The following FLI1 variants were observed in gnomAD, a reference collection of about 807,000 sequenced individuals.
The protein encoded by FLI1 is Fli-1 proto-oncogene, ETS transcription factor, also known as Friend leukemia integration 1 transcription factor.
FLI1 carries 13 observed loss-of-function variants against 53.1 expected under a neutral mutation model. The observed-to-expected ratio is 0.24, with a 90% CI of 0.16 to 0.39. The LOEUF is 0.39. FLI1 is among the 10% of genes least tolerant of loss of function. FLI1 has a pLI of 1.00. For synonymous variants in FLI1, 244 were observed against 236.7 expected, an observed-to-expected ratio of 1.03 and a Z score of -0.28; for missense variants, 424 against 600.5, an observed-to-expected ratio of 0.71 and a Z score of 3.07.
chr11:128,709,887 C>T (rs1938714801), intron 1 of FLI1, among the ~76,000 whole-genome samples: 1 of 152,120 alleles, frequency 6.6e-6, no homozygotes, highest in Non-Finnish European at 1.5e-5. Flanking sequence ...ACTGAGCTCC[C>T]TGATTAAGGG....
At chr11:128,783,194 C>G (rs903467789) in intron 5 of FLI1, among the ~76,000 whole-genome samples, 1 of 152,176 alleles carries the variant, frequency 6.6e-6, no homozygotes, top group African/African-American at 2.4e-5. Context: ...ACTGCAAAAC[C>G]TTTCAGAGAA....
chr11:128,798,648 T>C (rs1033978399), intron 5 of FLI1, among the ~76,000 whole-genome samples: 3 of 152,172 alleles, frequency 2.0e-5, no homozygotes, highest in African/African-American at 7.2e-5. Context: ...AGGATGTTTT[T>C]TCCCTGTGAG....
At chr11:128,759,680 G>A (rs1941033951) in intron 2 of FLI1, among the ~76,000 whole-genome samples, 1 of 152,202 alleles carries the variant, frequency 6.6e-6, no homozygotes, top group Non-Finnish European at 1.5e-5. Context: ...GCCGCAGAAA[G>A]GTGGCACAGG....
chr11:128,787,100 T>C (rs1942110868), intron 5 of FLI1, among the ~76,000 whole-genome samples: 1 of 152,116 alleles, frequency 6.6e-6, no homozygotes, highest in South Asian at 2.1e-4. Context: ...TAGAGTGAAA[T>C]GCCTGGCTGG....
rs149297181 is a variant in FLI1, at chr11:128,700,731, G to C, written c.18+6455G>C. ...TCTACAAAAACTACAAAAATTAGCC[G>C]GGCATGGTGGCACTCACCTGTAGTC... On this transcript the variant is annotated intron_variant, in intron 1 of 8. Coordinates refer to ENST00000527786, the MANE Select transcript of FLI1 (RefSeq NM_002017.5). Among the ~76,000 whole-genome samples the C allele has an allele frequency of 1.8e-4, 27 of 152,132 alleles. No homozygotes were observed. In the East Asian group the frequency reaches 5.2e-3, roughly 29 times the overall value.
intron 1 of FLI1, among the ~76,000 whole-genome samples, chr11:128,715,144 T>C (rs759405280): frequency 2.0e-5 from 3 of 152,222 alleles, no homozygotes; most frequent in Non-Finnish European, 2.9e-5. Flanking sequence ...TAGCAGGTTC[T>C]GTCTGATACC....
intron 2 of FLI1, among the ~76,000 whole-genome samples, chr11:128,759,166 G>C (rs1941010151): frequency 6.6e-6 from 1 of 152,212 alleles, no homozygotes. Context: ...AGACTTGAAA[G>C]ACAGAGAACA....
At chr11:128,795,637 G>A (rs112646038) in intron 5 of FLI1, among the ~76,000 whole-genome samples, 4,415 of 143,670 alleles carry the variant, frequency 0.031, 72 homozygotes, top group Middle Eastern at 0.075. Flanking sequence ...TGCAAGCTCC[G>A]CCTCCCGGGT....
intron 4 of FLI1, among the ~76,000 whole-genome samples, chr11:128,776,030 TAAG>T (rs946594041): frequency 3.3e-4 from 51 of 152,362 alleles, no homozygotes; most frequent in African/African-American, 1.2e-3. Context: ...CTTCATAGGA[TAAG>T]AAGCTTTGGC....
At chr11:128,807,024 T>A in intron 6 of FLI1, 156 bp from the exon 7 acceptor site, 1 of 432,810 alleles carries the variant, frequency 2.3e-6, no homozygotes, top group Non-Finnish European at 4.1e-6. Flanking sequence ...GGCCAGCACA[T>A]AGTAGATTCT....
chr11:128,685,571 G>C (rs532848893), upstream of FLI1, among the ~76,000 whole-genome samples: 1 of 152,088 alleles, frequency 6.6e-6, no homozygotes, highest in African/African-American at 2.4e-5. Context: ...AAAAATGTAG[G>C]GGACCGGTGG....
At chr11:128,781,491 AT>A (rs1941915387) in intron 4 of FLI1, among the ~76,000 whole-genome samples, 1 of 152,212 alleles carries the variant, frequency 6.6e-6, no homozygotes, top group South Asian at 2.1e-4. Context: ...AATATTTACT[AT>A]CTCCTTTTGA....
At chr11:128,772,702 G>C (rs1941607156) in intron 3 of FLI1, 80 bp from the exon 4 acceptor site, 1 of 1,069,902 alleles carries the variant, frequency 9.3e-7, no homozygotes, top group South Asian at 1.3e-5. Flanking sequence ...AGAGGGACAA[G>C]GGGTGAGGGA....
intron 5 of FLI1, among the ~76,000 whole-genome samples, chr11:128,783,254 G>A (rs1941979513): frequency 6.6e-6 from 1 of 152,230 alleles, no homozygotes; most frequent in South Asian, 2.1e-4. Context: ...TCCGCATGGG[G>A]TGTGAAGGAA....
chr11:128,764,517 C>A, intron 2 of FLI1: 1 of 783,070 alleles, frequency 1.3e-6, no homozygotes, highest in East Asian at 3.1e-5. Flanking sequence ...CTATCAGCTG[C>A]CAGTGGGCCC....
chr11:128,810,829 T>C lies in FLI1; in HGVS notation c.1200T>C (p.Phe400=). The stretch of plus-strand genomic sequence containing the variant: ...ATGCCCACCAGCAGAAGGTGAACTT[T>C]GTCCCTCCCCATCCATCCTCCATGC... ...SYHAHQQKVN[F]VPPHPSSMPV... The change falls in exon 9 of 9, where the codon TTT becomes TTC. Residue 400 remains phenylalanine, a synonymous_variant. Coordinates refer to ENST00000527786, the MANE Select transcript of FLI1 (RefSeq NM_002017.5). The surrounding 1 kb of genome is among the most constrained non-coding windows in gnomAD (Gnocchi z 6.6). The C allele has an allele frequency of 8.1e-6, 13 of 1,614,048 alleles. No individual in the cohort carries two copies. The highest frequency in any genetic ancestry group is 1.1e-5 in the Non-Finnish European group (13 of 1,179,896).
At chr11:128,704,131 T>A (rs1346019142) in intron 1 of FLI1, among the ~76,000 whole-genome samples, 1 of 152,194 alleles carries the variant, frequency 6.6e-6, no homozygotes, top group African/African-American at 2.4e-5. Flanking sequence ...ATTTCAAAAT[T>A]TGCTTTCAGC....
intron 1 of FLI1, among the ~76,000 whole-genome samples, chr11:128,747,687 G>A (rs1439694124): frequency 1.3e-5 from 2 of 152,224 alleles, no homozygotes; most frequent in African/African-American, 4.8e-5. Flanking sequence ...TATTCTCTGA[G>A]AGGAGCTTCG....
At chr11:128,781,369 A>G (rs548372092) in intron 4 of FLI1, among the ~76,000 whole-genome samples, 3 of 152,362 alleles carry the variant, frequency 2.0e-5, no homozygotes, top group African/African-American at 7.2e-5. Context: ...CCTCCAGGCC[A>G]TGGCAAAGTA....
Sources: allele counts gnomAD v4.1 joint callset (sites outside exome capture counted in the v4.1 genomes callset), GRCh38; gene constraint gnomAD v4.1.1; non-coding constraint Gnocchi (gnomAD v3.1); transcripts MANE v1.5; gene names NCBI Gene and HGNC (gene_info 2026-07-23, HGNC 2026-07-21).